TNKS: variants seen among roughly 807,000 people sequenced by gnomAD.
TNKS encodes the protein tankyrase.
TNKS carries 72 observed loss-of-function variants against 135.8 expected under a neutral mutation model. That is an observed-to-expected ratio of 0.53 (90% CI 0.44 to 0.64). The LOEUF (loss-of-function observed/expected upper bound fraction) is 0.64. Among genes scored for constraint, TNKS ranks in the 30% least tolerant of loss-of-function variants. The pLI is 0.00. For missense variants in TNKS, 1,769 were observed against 1,674.0 expected, an observed-to-expected ratio of 1.06 and a Z score of -0.99; for synonymous variants, 849 against 649.3, an observed-to-expected ratio of 1.31 and a Z score of -4.68.
At chr8:9,749,821 C>G (rs921308474) in intron 18 of TNKS, among the ~76,000 whole-genome samples, 1 of 152,176 alleles carries the variant, frequency 6.6e-6, no homozygotes, top group Non-Finnish European at 1.5e-5. Flanking sequence ...TTATCCTTCT[C>G]TTTTCATAAG....
intron 11 of TNKS, among the ~76,000 whole-genome samples, chr8:9,716,005 G>T (rs1465707695): frequency 6.6e-6 from 1 of 152,112 alleles, no homozygotes; most frequent in East Asian, 1.9e-4. Context: ...TATTCAAGAA[G>T]TTTAATTCAT....
intron 11 of TNKS, among the ~76,000 whole-genome samples, chr8:9,716,895 T>C (rs2128811261): frequency 6.6e-6 from 1 of 151,644 alleles, no homozygotes; most frequent in African/African-American, 2.4e-5. Context: ...ATAGGGTCTG[T>C]CCCGTCTCTG....
chr8:9,722,629 T>C (rs1488951231), intron 12 of TNKS: 3 of 152,142 alleles, frequency 2.0e-5, no homozygotes, highest in Non-Finnish European at 4.4e-5. Context: ...AAGGAGATAT[T>C]ACTCCTTGCC....
At position 9,555,917 on chromosome 8, in the gene TNKS, G is replaced by A; in HGVS notation, c.-23G>A. 1 of 1,578,784 alleles carries A rather than the reference G, an allele frequency of 6.3e-7. No homozygotes were observed. On this transcript the variant is annotated 5_prime_UTR_variant, in exon 1 of 27. Transcript: ENST00000310430. Reference sequence around the variant, plus strand: ...GGGCGGTGGGGGCCGTTGCCGCAGTGACAGTGCTAGGGGAGTCCGAAGATG... The same window carrying A: ...GGGCGGTGGGGGCCGTTGCCGCAGTAACAGTGCTAGGGGAGTCCGAAGATG...
chr8:9,766,047 C>T (rs533179827), intron 24 of TNKS, among the ~76,000 whole-genome samples, 192 bp from the exon 25 acceptor site: 1 of 152,216 alleles, frequency 6.6e-6, no homozygotes, highest in South Asian at 2.1e-4. Context: ...CAAATTGAGC[C>T]ACCTAGTGAA....
chr8:9,687,869 C>A (rs1315379972), intron 5 of TNKS, among the ~76,000 whole-genome samples: 1 of 152,230 alleles, frequency 6.6e-6, no homozygotes, highest in Non-Finnish European at 1.5e-5. Context: ...ACTTCAGCAT[C>A]TGTTTTTAAA....
intron 2 of TNKS, among the ~76,000 whole-genome samples, chr8:9,609,557 A>G (rs1799369910): frequency 6.6e-6 from 1 of 152,096 alleles, no homozygotes; most frequent in African/African-American, 2.4e-5. Context: ...ATTTTTCTTG[A>G]TCAGTAATTG....
intron 14 of TNKS, 134 bp from the exon 15 acceptor site, chr8:9,733,145 G>C: frequency 3.2e-6 from 2 of 622,898 alleles, no homozygotes; most frequent in South Asian, 3.9e-5. Context: ...TTAAAGAACA[G>C]AGGTGGGTGT....
At chr8:9,752,668 C>G (rs772376909) in intron 20 of TNKS, 42 bp downstream of exon 20, 16 of 1,359,884 alleles carry the variant, frequency 1.2e-5, no homozygotes, top group Non-Finnish European at 1.6e-5. Context: ...AAATTAAATA[C>G]TAAGATTAGG....
intron 11 of TNKS, among the ~76,000 whole-genome samples, chr8:9,713,363 AT>A (rs754659454): frequency 5.9e-5 from 9 of 152,228 alleles, no homozygotes; most frequent in Non-Finnish European, 1.3e-4. Flanking sequence ...AATGCCCTTC[AT>A]TTTGGGAAAA....
intron 20 of TNKS, among the ~76,000 whole-genome samples, chr8:9,755,736 C>T (rs1191008563): frequency 1.3e-5 from 2 of 152,130 alleles, no homozygotes; most frequent in African/African-American, 2.4e-5. Context: ...CCGTTGTTTT[C>T]TGATGCTCTT....
chr8:9,735,616 C>T (rs560101978), intron 17 of TNKS, 130 bp downstream of exon 17: 49 of 666,898 alleles, frequency 7.3e-5, no homozygotes, highest in Admixed American at 5.0e-4. Context: ...CTGGCTAACA[C>T]GGTGAAACCC....
chr8:9,589,863 T>C (rs1798526989), intron 2 of TNKS, among the ~76,000 whole-genome samples: 1 of 152,248 alleles, frequency 6.6e-6, no homozygotes, highest in Non-Finnish European at 1.5e-5. Context: ...AGAAGTCTTC[T>C]GATAATATGT....
At chr8:9,592,998 T>A (rs544063386) in intron 2 of TNKS, among the ~76,000 whole-genome samples, 10 of 152,350 alleles carry the variant, frequency 6.6e-5, no homozygotes, top group African/African-American at 2.4e-4. Flanking sequence ...TTGATTCTGA[T>A]CATGCATTAA....
intron 2 of TNKS, among the ~76,000 whole-genome samples, chr8:9,595,627 CA>C: frequency 6.6e-6 from 1 of 152,062 alleles, no homozygotes; most frequent in South Asian, 2.1e-4. Context: ...TGGAAGCTTT[CA>C]CTCTTCCAAG....
At chr8:9,748,955 G>T (rs6995495) in intron 18 of TNKS, among the ~76,000 whole-genome samples, 2 of 151,976 alleles carry the variant, frequency 1.3e-5, no homozygotes, top group Non-Finnish European at 2.9e-5. Context: ...CTAGAAGGCA[G>T]GGGCCTCTCT....
chr8:9,607,413 A>G (rs537719022), intron 2 of TNKS, among the ~76,000 whole-genome samples: 39 of 152,214 alleles, frequency 2.6e-4, no homozygotes, highest in Non-Finnish European at 4.6e-4. Flanking sequence ...AACCTTTCCA[A>G]TAATTGTGGA....
chr8:9,711,037 G>A (rs1484098993), intron 11 of TNKS, among the ~76,000 whole-genome samples: 2 of 152,138 alleles, frequency 1.3e-5, no homozygotes, highest in Non-Finnish European at 2.9e-5. Flanking sequence ...AGAGAGGAAA[G>A]AAGCAAACTG....
chr8:9,612,553 T>C (rs1322307373), intron 2 of TNKS, among the ~76,000 whole-genome samples: 2 of 152,136 alleles, frequency 1.3e-5, no homozygotes, highest in Non-Finnish European at 2.9e-5. Context: ...TATATATTTT[T>C]AATGGTTTTT....
Sources: gnomAD v4.1 joint callset for allele counts (sites outside exome capture counted in the v4.1 genomes callset) on GRCh38, gnomAD v4.1.1 for gene constraint, MANE v1.5 for transcripts, NCBI Gene and HGNC (gene_info 2026-07-23, HGNC 2026-07-21) for gene names.